AKAP19: variants seen among roughly 807,000 people sequenced by gnomAD.
The protein encoded by AKAP19 is A-kinase anchoring protein 19, also known as small A-kinase anchoring protein.
the AKAP19 span, among the ~76,000 whole-genome samples, chr2:189,956,164 T>TTTTCTTTTC: frequency 1.3e-3 from 2 of 1,528 alleles, no homozygotes; most frequent in Admixed American, 0.042. Flanking sequence ...TACTAGTATA[T>TTTTCTTTTC]TTTCTTTTTT....
At chr2:189,919,012 G>T in the AKAP19 span, among the ~76,000 whole-genome samples, 1 of 152,164 alleles carries the variant, frequency 6.6e-6, no homozygotes, top group African/African-American at 2.4e-5. Flanking sequence ...ATATTAAATA[G>T]AAAATTCTGG....
At chr2:190,181,202 A>G in the AKAP19 span, 2 of 964,308 alleles carry the variant, frequency 2.1e-6, no homozygotes, top group Non-Finnish European at 2.5e-6. Flanking sequence ...TTTCAATGGC[A>G]GAAACCCATG....
the AKAP19 span, among the ~76,000 whole-genome samples, chr2:189,944,820 C>T: frequency 3.3e-5 from 5 of 152,140 alleles, no homozygotes; most frequent in Non-Finnish European, 7.3e-5. Context: ...ATGGAAAATT[C>T]TCCAGAATGG....
chr2:190,003,845 C>T, the AKAP19 span, among the ~76,000 whole-genome samples: 13 of 151,388 alleles, frequency 8.6e-5, no homozygotes, highest in South Asian at 2.1e-4. Flanking sequence ...CCAGCCTGGG[C>T]GACAGAGTGA....
the AKAP19 span, among the ~76,000 whole-genome samples, chr2:189,988,818 C>A: frequency 6.6e-6 from 1 of 152,342 alleles, no homozygotes; most frequent in East Asian, 1.9e-4. Context: ...AAGGTATTGT[C>A]ATGTACTAAT....
the AKAP19 span, among the ~76,000 whole-genome samples, chr2:189,992,416 G>T: frequency 2.0e-5 from 3 of 152,094 alleles, no homozygotes; most frequent in African/African-American, 7.2e-5. Flanking sequence ...ATGCTGTTTT[G>T]GTAACTGTAG....
At chr2:189,904,214 T>G in the AKAP19 span, among the ~76,000 whole-genome samples, 1 of 152,098 alleles carries the variant, frequency 6.6e-6, no homozygotes, top group African/African-American at 2.4e-5. Context: ...ATTTATGTAG[T>G]GCTTGATGCC....
At chr2:190,092,418 C>T in the AKAP19 span, among the ~76,000 whole-genome samples, 15 of 151,896 alleles carry the variant, frequency 9.9e-5, no homozygotes, top group Non-Finnish European at 1.8e-4. Context: ...TCCTGGGTCT[C>T]GGGGGTAAGG....
chr2:190,073,483 G>A, the AKAP19 span, among the ~76,000 whole-genome samples: 1 of 152,042 alleles, frequency 6.6e-6, no homozygotes, highest in Non-Finnish European at 1.5e-5. Context: ...TTTTGAAGTT[G>A]TGTTATTTAC....
the AKAP19 span, among the ~76,000 whole-genome samples, chr2:189,986,601 A>G: frequency 2.0e-5 from 3 of 152,106 alleles, no homozygotes; most frequent in Admixed American, 2.0e-4. Context: ...TGTTTAGGAT[A>G]CAGAAGCAGT....
the AKAP19 span, among the ~76,000 whole-genome samples, chr2:189,911,279 C>T: frequency 6.6e-6 from 1 of 152,038 alleles, no homozygotes; most frequent in African/African-American, 2.4e-5. Flanking sequence ...CCCATTTGAA[C>T]ATATGGTTAT....
chr2:190,119,292 T>G, the AKAP19 span, among the ~76,000 whole-genome samples: 1 of 152,240 alleles, frequency 6.6e-6, no homozygotes, highest in South Asian at 2.1e-4. Flanking sequence ...GCTCCAAAGC[T>G]GAAAGAGGGA....
At chr2:189,992,599 G>T in the AKAP19 span, among the ~76,000 whole-genome samples, 1 of 152,102 alleles carries the variant, frequency 6.6e-6, no homozygotes, top group Non-Finnish European at 1.5e-5. Flanking sequence ...TAAATCTTTA[G>T]ATTGCTTTTG....
At chr2:190,038,500 C>T in the AKAP19 span, among the ~76,000 whole-genome samples, 5,569 of 152,236 alleles carry the variant, frequency 0.037, 362 homozygotes, top group African/African-American at 0.13. Flanking sequence ...TGACTCTCCA[C>T]ATTACACTAG....
the AKAP19 span, among the ~76,000 whole-genome samples, chr2:190,093,486 G>C: frequency 1.3e-5 from 2 of 151,986 alleles, no homozygotes; most frequent in African/African-American, 4.8e-5. Flanking sequence ...TAATGTATAG[G>C]GCAAGAATCA....
chr2:189,982,523 G>T, the AKAP19 span, among the ~76,000 whole-genome samples: 1 of 152,074 alleles, frequency 6.6e-6, no homozygotes, highest in African/African-American at 2.4e-5. Context: ...AGCATCCATC[G>T]CTAGAGCTAG....
chr2:190,196,261 C>T, the AKAP19 span, among the ~76,000 whole-genome samples: 1 of 151,910 alleles, frequency 6.6e-6, no homozygotes, highest in East Asian at 1.9e-4. Flanking sequence ...AATCTTTTCC[C>T]TCCATTTTTC....
chr2:189,986,801 A>G, the AKAP19 span, among the ~76,000 whole-genome samples: 90 of 152,282 alleles, frequency 5.9e-4, no homozygotes, highest in Non-Finnish European at 1.1e-3. Context: ...AGATAAGACT[A>G]TGGCTCAAAA....
chr2:190,010,664 C>T, the AKAP19 span, among the ~76,000 whole-genome samples: 3 of 152,084 alleles, frequency 2.0e-5, no homozygotes, highest in Non-Finnish European at 4.4e-5. Context: ...TATATCAGTC[C>T]TCTATTGTCA....
Sources: allele counts gnomAD v4.1 joint callset (sites outside exome capture counted in the v4.1 genomes callset), GRCh38; gene constraint gnomAD v4.1.1; transcripts MANE v1.5; gene names NCBI Gene and HGNC (gene_info 2026-07-23, HGNC 2026-07-21).